Variants in LRRC37A2 observed in about 807,000 individuals in gnomAD.
LRRC37A2 encodes leucine-rich repeat-containing protein 37A2.
A neutral mutation model predicts 68.8 loss-of-function variants in LRRC37A2; 9 were observed. That is an observed-to-expected ratio of 0.13 (90% CI 0.08 to 0.23). The LOEUF is 0.23. Ranked by LOEUF, LRRC37A2 falls within the 10% of genes least tolerant of loss-of-function variation. The pLI, the probability that LRRC37A2 is intolerant of heterozygous loss-of-function variation, is 1.00. For synonymous variants in LRRC37A2, 63 were observed against 367.6 expected (o/e 0.17, Z 9.48); for missense variants, 168 against 950.4 (o/e 0.18, Z 10.82).
chr17:47,018,387 C>A, the LRRC37A2 span: 3 of 1,600,512 alleles, frequency 1.9e-6, no homozygotes, highest in Admixed American at 3.3e-5. Flanking sequence ...ACCTCCAGGT[C>A]ACCATCAAAC....
the LRRC37A2 span, among the ~76,000 whole-genome samples, chr17:46,914,775 T>C: frequency 1.3e-5 from 2 of 152,080 alleles, no homozygotes; most frequent in South Asian, 4.1e-4. Context: ...TTTATCTCAC[T>C]GCCTGCCAGG....
At chr17:46,745,580 A>T in the LRRC37A2 span, among the ~76,000 whole-genome samples, 1 of 152,230 alleles carries the variant, frequency 6.6e-6, no homozygotes. Flanking sequence ...TGGAATGAGT[A>T]AGAAGCTTCT....
chr17:46,953,826 A>G, the LRRC37A2 span, among the ~76,000 whole-genome samples: 1 of 152,252 alleles, frequency 6.6e-6, no homozygotes, highest in Non-Finnish European at 1.5e-5. Flanking sequence ...TCTTGGCTGC[A>G]TAAATGTCTT....
At chr17:46,388,967 G>A in the LRRC37A2 span, among the ~76,000 whole-genome samples, 2 of 79,114 alleles carry the variant, frequency 2.5e-5, no homozygotes, top group Non-Finnish European at 5.3e-5. Context: ...AGGCTGAGAC[G>A]GGTGGATCAC....
chr17:46,733,964 C>A, the LRRC37A2 span, among the ~76,000 whole-genome samples: 1 of 152,076 alleles, frequency 6.6e-6, no homozygotes, highest in East Asian at 1.9e-4. Flanking sequence ...AAGGTGTGGA[C>A]CAATAAGAAA....
chr17:46,920,164 A>G, the LRRC37A2 span, among the ~76,000 whole-genome samples: 62 of 152,306 alleles, frequency 4.1e-4, no homozygotes, highest in African/African-American at 1.5e-3. Context: ...TGGTTAGTAT[A>G]TACAAGACAC....
At chr17:46,544,812 T>G (rs1465029880) in intron 8 of LRRC37A2, among the ~76,000 whole-genome samples, 3 of 119,250 alleles carry the variant, frequency 2.5e-5, no homozygotes, top group Non-Finnish European at 5.1e-5. Flanking sequence ...TGGAAAAAAT[T>G]CAAACAAGCC....
the LRRC37A2 span, among the ~76,000 whole-genome samples, chr17:46,714,800 C>T: frequency 4.4e-4 from 67 of 152,076 alleles, no homozygotes; most frequent in Admixed American, 4.1e-3. Flanking sequence ...TTTTTTCATG[C>T]TTGATCTTTT....
chr17:46,771,715 C>G, the LRRC37A2 span, among the ~76,000 whole-genome samples: 1 of 143,070 alleles, frequency 7.0e-6, no homozygotes, highest in South Asian at 2.1e-4. Flanking sequence ...GCCCCCGGCC[C>G]CGGCGCCGGG....
the LRRC37A2 span, among the ~76,000 whole-genome samples, chr17:46,605,995 C>CAAAAAAAAAAAAAAAAA: frequency 2.0e-5 from 1 of 51,054 alleles, no homozygotes; most frequent in African/African-American, 1.0e-4. Context: ...ACTAAAAATA[C>CAAAAAAAAAAAAAAAAA]AAAAAAAAAA....
the LRRC37A2 span, among the ~76,000 whole-genome samples, chr17:46,879,692 T>C: frequency 6.6e-6 from 1 of 152,222 alleles, no homozygotes; most frequent in Non-Finnish European, 1.5e-5. Context: ...AACATCTCCA[T>C]AGACCAGGCA....
chr17:46,751,404 G>A, the LRRC37A2 span: 5 of 822,268 alleles, frequency 6.1e-6, no homozygotes, highest in African/African-American at 8.4e-5. Context: ...TGAACAGTTA[G>A]GTAGTTCTTA....
At chr17:47,038,102 G>A in the LRRC37A2 span, among the ~76,000 whole-genome samples, 5 of 152,190 alleles carry the variant, frequency 3.3e-5, no homozygotes, top group East Asian at 1.9e-4. Context: ...CCAGGAGTTC[G>A]AGGCCAGCCA....
the LRRC37A2 span, among the ~76,000 whole-genome samples, chr17:47,000,063 T>TAAAATAAAATAAAAAAA: frequency 7.9e-4 from 14 of 17,720 alleles, no homozygotes; most frequent in East Asian, 2.7e-3. Flanking sequence ...TAAAATAAAA[T>TAAAATAAAATAAAAAAA]TAAAATAAAA....
At chr17:46,914,226 T>C in the LRRC37A2 span, among the ~76,000 whole-genome samples, 2 of 151,960 alleles carry the variant, frequency 1.3e-5, no homozygotes, top group South Asian at 2.1e-4. Context: ...CATGTGAGCA[T>C]TGGCACAGGT....
chr17:46,742,782 C>T, the LRRC37A2 span, among the ~76,000 whole-genome samples: 1 of 152,172 alleles, frequency 6.6e-6, no homozygotes, highest in South Asian at 2.1e-4. Flanking sequence ...TGGTTTCTAC[C>T]ATCGGGGAGT....
chr17:46,550,794 A>G (rs1303898413), intron 11 of LRRC37A2, among the ~76,000 whole-genome samples: 10 of 99,994 alleles, frequency 1.0e-4, no homozygotes, highest in African/African-American at 3.6e-4. Flanking sequence ...ACCCAAAACT[A>G]TGTCAACAAT....
chr17:46,804,721 A>G, the LRRC37A2 span, among the ~76,000 whole-genome samples: 1 of 152,228 alleles, frequency 6.6e-6, no homozygotes, highest in South Asian at 2.1e-4. Context: ...TCCTGGGTCA[A>G]CTGGGGACTT....
At chr17:46,992,413 G>A in the LRRC37A2 span, among the ~76,000 whole-genome samples, 8 of 152,120 alleles carry the variant, frequency 5.3e-5, no homozygotes, top group East Asian at 1.9e-4. Flanking sequence ...GTTTGGCTGC[G>A]TACTGAAACT....
Sources: allele counts gnomAD v4.1 joint callset (sites outside exome capture counted in the v4.1 genomes callset), GRCh38; gene constraint gnomAD v4.1.1; transcripts MANE v1.5; gene names NCBI Gene and HGNC (gene_info 2026-07-23, HGNC 2026-07-21).